The following ALPK3 variants were observed in gnomAD, a reference collection of about 807,000 sequenced individuals.
ALPK3 encodes the protein alpha kinase 3.
In ALPK3, 102 loss-of-function variants were observed where a neutral mutation model predicts 140.0. That is an observed-to-expected ratio of 0.73 (90% CI 0.62 to 0.86). The LOEUF (loss-of-function observed/expected upper bound fraction) is 0.86. Ranked by LOEUF, ALPK3 falls within the 40% of genes least tolerant of loss-of-function variation. The pLI, the probability that ALPK3 is intolerant of heterozygous loss-of-function variation, is 0.00. For missense variants in ALPK3, 2,254 were observed against 2,208.2 expected, an observed-to-expected ratio of 1.02 and a Z score of -0.42; for synonymous variants, 938 against 898.5, an observed-to-expected ratio of 1.04 and a Z score of -0.79.
In ALPK3 at chr15:84,867,326, G is replaced by A. The variant is rs769021784; in HGVS notation, c.4733G>A (p.Trp1578Ter). 1 of 1,613,976 alleles carries A rather than the reference G, an allele frequency of 6.2e-7. No homozygotes were observed. Among genetic ancestry groups the A allele is most frequent in the Non-Finnish European group, 8.5e-7 (1 of 1,179,964 alleles). The stretch of plus-strand genomic sequence containing the variant: ...CTTTCTCTCTTTTCAGGGGTTGACT[G>A]GAAGATGACTGATGTGCAGATTGCT... ...FLVTDLAGVD[W>*]KMTDVQIATK... The change falls in exon 13 of 14, where the codon TGG (tryptophan) becomes TAG (stop). Residue 1578 changes from tryptophan (W) to a stop codon, truncating the protein, a stop_gained. Coordinates refer to ENST00000258888, the MANE Select transcript of ALPK3 (RefSeq NM_020778.5). LOFTEE classifies it high-confidence loss of function.
chr15:84,823,418 G>A (rs771334956), intron 2 of ALPK3, 50 bp downstream of exon 2: 38 of 1,597,586 alleles, frequency 2.4e-5, no homozygotes, highest in Non-Finnish European at 3.0e-5. Flanking sequence ...CCTTGGGTCT[G>A]GGCATTGAGG....
In ALPK3 at chr15:84,872,688, A is replaced by G. The variant is rs952586952; in HGVS notation, c.*4232A>G. On this transcript the variant is annotated 3_prime_UTR_variant, in exon 14 of 14. Coordinates refer to ENST00000258888, the MANE Select transcript of ALPK3 (RefSeq NM_020778.5). Reference sequence around the variant, plus strand: ...AGACCTTGGCATTTTCACATGATTTATCTCCCACTCTGATTCACATATGTT... The same window carrying G: ...AGACCTTGGCATTTTCACATGATTTGTCTCCCACTCTGATTCACATATGTT... 1.3e-5 allele frequency: 2 copies of G among 152,218 alleles called. No homozygotes were observed. Among genetic ancestry groups the G allele is most frequent in the Admixed American group, 1.3e-4 (2 of 15,288 alleles). The allele number at this position is 152,218 out of a possible 1,614,324, so 9.4% of individuals were successfully genotyped here. A position where few individuals can be genotyped will look rare whatever the true frequency, so the allele number is the denominator to read the frequency against.
In ALPK3 at chr15:84,857,674, G is replaced by T. The variant is rs755344188; in HGVS notation, c.2936G>T (p.Gly979Val). ...TCCAGCACAGAGACAAGTGGAGCAG[G>T]GGGAGAGTCCCAGGTGGGGGCAGCC... ...KLSSTETSGA[G>V]GESQVGAATG... Residue 979 changes from glycine (G) to valine (V), a missense_variant, in exon 6 of 14, where the codon GGG (glycine) becomes GTG (valine). Physicochemically the swap from Gly to Val is moderately radical, Grantham distance 109. This residue lies in a region of ALPK3 where 2,088 missense variants were observed against 2,022.9 expected (regional missense o/e 1.03). Coordinates refer to ENST00000258888, the MANE Select transcript of ALPK3 (RefSeq NM_020778.5). 1 of 1,607,776 alleles carries T rather than the reference G, an allele frequency of 6.2e-7. No individual in the cohort carries two copies. Among genetic ancestry groups the T allele is most frequent in the South Asian group, 1.1e-5 (1 of 90,772 alleles).
chr15:84,854,433 G>A (rs61412906), intron 5 of ALPK3, among the ~76,000 whole-genome samples: 11,965 of 151,658 alleles, frequency 0.079, 539 homozygotes, highest in Non-Finnish European at 0.088. Context: ...TTACAGATGC[G>A]CACCACCACG....
At position 84,863,134 on chromosome 15, in the gene ALPK3, A is replaced by G. The variant is rs79145069; in HGVS notation, c.4410+219A>G. ...AGAGCTTCAAAACGACTTGGGCCAT[A>G]GTTTTCAAACTCTATGTTTGCAGCA... On this transcript the variant is annotated intron_variant, in intron 10 of 13. Transcript: ENST00000258888. Among the ~76,000 whole-genome samples, 371 of 152,176 alleles carry G rather than the reference A, an allele frequency of 2.4e-3. 1 individual carries two copies. The highest frequency in any genetic ancestry group is 3.5e-3 in the Non-Finnish European group (236 of 68,012).
Position 84,817,370 on chromosome 15 carries a change from CG to C in ALPK3, c.-80del. On this transcript the variant is annotated 5_prime_UTR_variant, in exon 1 of 14. Coordinates refer to ENST00000258888, the MANE Select transcript of ALPK3 (RefSeq NM_020778.5). ...CAGCCGCGGGCGGGAGCGGCGGCGG[CG>C]GGCAGGGGCCCGGGGGCCGGGGCCT... The C allele has an allele frequency of 3.3e-6, 4 of 1,224,496 alleles. No homozygotes were observed. Among genetic ancestry groups the C allele is most frequent in the Non-Finnish European group, 4.1e-6 (4 of 984,580 alleles). The allele number at this position is 1,224,496 out of a possible 1,614,324, so 75.9% of individuals were successfully genotyped here. A position where few individuals can be genotyped will look rare whatever the true frequency, so the allele number is the denominator to read the frequency against.
At chr15:84,818,746 G>T (rs2879828) in intron 1 of ALPK3, among the ~76,000 whole-genome samples, 82,013 of 152,064 alleles carry the variant, frequency 0.54, 22,904 homozygotes, top group East Asian at 0.79. Context: ...CTCGTCAAAT[G>T]GTGTCACATG....
At chr15:84,856,363 A>C (rs760006868) in intron 5 of ALPK3, 29 bp from the exon 6 acceptor site, 9 of 1,562,064 alleles carry the variant, frequency 5.8e-6, no homozygotes, top group Admixed American at 3.8e-5. Flanking sequence ...CATGTAGTTA[A>C]ATCCTTGCTT....
chr15:84,863,116 C>T (rs891239472), intron 10 of ALPK3, among the ~76,000 whole-genome samples: 11 of 152,080 alleles, frequency 7.2e-5, no homozygotes, highest in Non-Finnish European at 1.0e-4. Context: ...TTGAGAGCTT[C>T]AAAACGACTT....
chr15:84,840,921 A>G lies in ALPK3; in HGVS notation c.1642A>G (p.Thr548Ala), dbSNP rs753205433. The G allele has an allele frequency of 6.3e-7, 1 of 1,585,238 alleles. No individual in the cohort carries two copies. The highest frequency in any genetic ancestry group is 1.1e-5 in the South Asian group (1 of 87,428). ...GTTGCAGGGGCAAGCAGGCCACAGG[A>G]CTCCAGGAGAGGTAAGTGTGGGTGT... ...STLQGQAGHRTPGEVLECQTT... is the reference protein window; with the variant it reads ...STLQGQAGHRAPGEVLECQTT... The change falls in exon 5 of 14, where the codon ACT (threonine) becomes GCT (alanine). Residue 548 changes from threonine to alanine, a missense_variant. Thr to Ala is a moderately conservative substitution (Grantham distance 58). Around this residue, in one of 3 missense-constraint regions of ALPK3, gnomAD observed 2,088 missense variants for 2,022.9 expected, o/e 1.03. Coordinates refer to ENST00000258888, the MANE Select transcript of ALPK3 (RefSeq NM_020778.5).
Position 84,827,533 on chromosome 15 carries a change from C to T in ALPK3, c.232C>T (p.Leu78=), listed in dbSNP as rs1222990460. The T allele has an allele frequency of 1.9e-6, 3 of 1,614,214 alleles. No homozygotes were observed. Among genetic ancestry groups the T allele is most frequent in the Non-Finnish European group, 2.5e-6 (3 of 1,180,046 alleles). ...IAQLTEETQP[L]FETTLKSRSV... ...TCAGCTCACAGAGGAGACCCAGCCG[C>T]TATTTGAGACCACGCTCAAGTCCCG... is the stretch of plus-strand genomic sequence containing the variant. Residue 78 remains leucine, a synonymous_variant, in exon 3 of 14, where the codon CTA becomes TTA. Transcript: ENST00000258888.
chr15:84,856,608 G>C lies in ALPK3; in HGVS notation c.1870G>C (p.Gly624Arg). The stretch of plus-strand genomic sequence containing the variant: ...GATACAAGTGGATGGAAGGACCAGG[G>C]GAGATGGAACACAGACAGCCCAGAG... ...GKIQVDGRTRGDGTQTAQRTR... is the reference protein window; with the variant it reads ...GKIQVDGRTRRDGTQTAQRTR... Residue 624 changes from glycine (G) to arginine (R), a missense_variant, in exon 6 of 14, where the codon GGA becomes CGA. Physicochemically the swap from Gly to Arg is moderately radical, Grantham distance 125 (BLOSUM62 -2). Around this residue, in one of 3 missense-constraint regions of ALPK3, gnomAD observed 2,088 missense variants for 2,022.9 expected, o/e 1.03. Transcript: ENST00000258888. 4 of 1,614,154 alleles carry C rather than the reference G, an allele frequency of 2.5e-6. No homozygotes were observed. Among genetic ancestry groups the C allele is most frequent in the Non-Finnish European group, 3.4e-6 (4 of 1,180,024 alleles).
At chr15:84,833,444 C>T (rs976396134) in intron 3 of ALPK3, among the ~76,000 whole-genome samples, 3 of 152,184 alleles carry the variant, frequency 2.0e-5, no homozygotes, top group Non-Finnish European at 4.4e-5. Flanking sequence ...GAAGGTTCTG[C>T]AAACTAAAGA....
rs367667489 is a variant in ALPK3, at chr15:84,863,589, A to G, written c.4448A>G (p.Lys1483Arg). ...CAGAACATGAGTCGGGAGTACTGCA[A>G]AATCTTCGCAGCAGAAGCCCGGGCC... ...KIQNMSREYC[K>R]IFAAEARAAP... is the part of the protein sequence containing the mutation. The change falls in exon 11 of 14, where the codon AAA (lysine) becomes AGA (arginine). Residue 1483 changes from lysine (K) to arginine (R), a missense_variant. Coordinates refer to ENST00000258888, the MANE Select transcript of ALPK3 (RefSeq NM_020778.5). 119 of 1,614,114 alleles carry G rather than the reference A, an allele frequency of 7.4e-5. No homozygotes were observed. In the Middle Eastern group the frequency reaches 8.2e-4, roughly 11 times the overall value.
At position 84,858,533 on chromosome 15, in the gene ALPK3, G is replaced by A; in HGVS notation, c.3795G>A (p.Arg1265=). ...AGCAGGAGACACTGGCCAAGCCCAG[G>A]AAAGCCAAAGACCTGCTGAAAGGTG... ...EGKQETLAKP[R]KAKDLLKAPQ... Residue 1265 remains arginine (R), a synonymous_variant, in exon 6 of 14, where the codon AGG becomes AGA. Transcript: ENST00000258888. 6.3e-7 allele frequency: 1 copy of A among 1,588,354 alleles called. No homozygotes were observed. Among genetic ancestry groups the A allele is most frequent in the Non-Finnish European group, 8.5e-7 (1 of 1,174,922 alleles).
intron 3 of ALPK3, among the ~76,000 whole-genome samples, chr15:84,828,968 C>A (rs933867201): frequency 2.0e-5 from 3 of 152,178 alleles, no homozygotes; most frequent in Admixed American, 2.0e-4. Flanking sequence ...TTTTGCACAT[C>A]TCATTTTCTC....
At position 84,873,264 on chromosome 15, in the gene ALPK3, A is replaced by C. The variant is rs1027313102; in HGVS notation, c.*4808A>C. 1 of 152,224 alleles carries C rather than the reference A, an allele frequency of 6.6e-6. No homozygotes were observed. Among genetic ancestry groups the C allele is most frequent in the Non-Finnish European group, 1.5e-5 (1 of 68,042 alleles). 9.4% of individuals were successfully genotyped at this position (152,224 alleles called of 1,614,324 possible). A position where few individuals can be genotyped will look rare whatever the true frequency, so the allele number is the denominator to read the frequency against. On this transcript the variant is annotated 3_prime_UTR_variant, in exon 14 of 14. Coordinates refer to ENST00000258888, the MANE Select transcript of ALPK3 (RefSeq NM_020778.5). ...TGGGCTGGGTGCATGCCAGGGACCC[A>C]ATCAAGCATTTTTATCTTCTGAAAT...
Position 84,868,599 on chromosome 15 carries a change from T to C in ALPK3, c.*143T>C. The C allele has an allele frequency of 2.5e-6, 2 of 801,758 alleles. No individual in the cohort carries two copies. The highest frequency in any genetic ancestry group is 3.7e-5 in the South Asian group (2 of 53,568). 49.7% of individuals were successfully genotyped at this position (801,758 alleles called of 1,614,324 possible). On this transcript the variant is annotated 3_prime_UTR_variant, in exon 14 of 14. Coordinates refer to ENST00000258888, the MANE Select transcript of ALPK3 (RefSeq NM_020778.5). The stretch of plus-strand genomic sequence containing the variant: ...CTTGGGGACCTCTCTGAGCAGGCTC[T>C]CGTGAATCAGCTCGTCATCAGATGG...
At chr15:84,841,618 A>G (rs939611524) in intron 5 of ALPK3, among the ~76,000 whole-genome samples, 2 of 152,204 alleles carry the variant, frequency 1.3e-5, no homozygotes, top group Non-Finnish European at 2.9e-5. Context: ...ACTTGGTAAC[A>G]GGAGTGCCAT....
Sources: allele counts gnomAD v4.1 joint callset (sites outside exome capture counted in the v4.1 genomes callset), GRCh38; gene constraint gnomAD v4.1.1; regional missense constraint gnomAD v4.1.1; transcripts MANE v1.5; gene names NCBI Gene and HGNC (gene_info 2026-07-23, HGNC 2026-07-21).